Variants in ASAH2 observed in about 807,000 individuals in gnomAD.
The protein encoded by ASAH2 is neutral ceramidase.
Under a neutral mutation model 82.9 loss-of-function variants are expected in ASAH2, and 58 were observed. The ratio of observed to expected loss-of-function variants is 0.70; its 90% CI spans 0.57 to 0.87. The LOEUF (loss-of-function observed/expected upper bound fraction) is 0.87, where lower values mean the gene tolerates loss of function less well. ASAH2 is among the 40% of genes least tolerant of loss of function. The pLI, the probability that ASAH2 is intolerant of heterozygous loss-of-function variation, is 0.00. For synonymous variants in ASAH2, 276 were observed against 289.7 expected (o/e 0.95, Z 0.48); for missense variants, 779 against 834.0 (o/e 0.93, Z 0.81).
chr10:50,247,521 G>A (rs2842125), intron 2 of ASAH2, among the ~76,000 whole-genome samples: 44,317 of 151,512 alleles, frequency 0.29, 6,686 homozygotes, highest in Non-Finnish European at 0.31. Context: ...ACCCTGCTGT[G>A]CCTACTGCTG....
chr10:50,208,645 T>G (rs1230811878), intron 12 of ASAH2, among the ~76,000 whole-genome samples: 1 of 152,076 alleles, frequency 6.6e-6, no homozygotes, highest in African/African-American at 2.4e-5. Context: ...CAAAACATTG[T>G]TGAAAAAAAT....
At chr10:50,248,197 C>G (rs1174813356) in intron 2 of ASAH2, among the ~76,000 whole-genome samples, 1 of 152,204 alleles carries the variant, frequency 6.6e-6, no homozygotes, top group African/African-American at 2.4e-5. Context: ...GCTGCCATTA[C>G]TAGACCTTGA....
At chr10:50,215,141 A>C (rs1168009105) in intron 8 of ASAH2, among the ~76,000 whole-genome samples, 17 of 152,118 alleles carry the variant, frequency 1.1e-4, no homozygotes, top group Non-Finnish European at 1.6e-4. Flanking sequence ...AGTCTTTACC[A>C]ATCCCTATGT....
rs760334150 is a variant in ASAH2, at chr10:50,248,484, CT to C, written c.126del (p.Asp43IlefsTer2). 2.5e-6 allele frequency: 4 copies of C among 1,613,404 alleles called. No individual in the cohort carries two copies. Among genetic ancestry groups the C allele is most frequent in the Non-Finnish European group, 3.4e-6 (4 of 1,179,664 alleles). On this transcript the variant is annotated frameshift_variant and splice_region_variant, in exon 2 of 21. Transcript: ENST00000682911. LOFTEE classifies it high-confidence loss of function. ...ATCTAAGAGAGCCCATGACACTTGC[CT>C]TTGTGGTTTTCAATGGTCCCACTGG... ...FITSGTIENHKDLGGHFFSTT... is the reference protein window; with the variant it reads ...FITSGTIENHXDLGGHFFSTT...
chr10:50,218,705 T>C lies in ASAH2; in HGVS notation c.894-75A>G. On this transcript the variant is annotated intron_variant, in intron 7 of 20. Coordinates refer to ENST00000682911, the MANE Select transcript of ASAH2 (RefSeq NM_019893.4). ...GGGCCAAGAACTATGACTGGGAGCT[T>C]AAGTTTTCTCCAGCAGGAAAAAATA... The C allele has an allele frequency of 1.9e-6, 3 of 1,561,228 alleles. No individual in the cohort carries two copies. In the South Asian group the frequency reaches 3.3e-5, roughly 17 times the overall value.
At chr10:50,231,399 C>T (rs1846019100) in intron 7 of ASAH2, among the ~76,000 whole-genome samples, 2 of 152,192 alleles carry the variant, frequency 1.3e-5, no homozygotes, top group East Asian at 1.9e-4. Context: ...TCTTGGAAGC[C>T]TTCCACAGTG....
intron 12 of ASAH2, among the ~76,000 whole-genome samples, chr10:50,206,326 A>G (rs1845296085): frequency 6.6e-6 from 1 of 151,942 alleles, no homozygotes; most frequent in Non-Finnish European, 1.5e-5. Flanking sequence ...AGAGAACGAC[A>G]GAGTATATTT....
At chr10:50,250,807 A>G (rs1354876342) in intron 1 of ASAH2, among the ~76,000 whole-genome samples, 1 of 152,184 alleles carries the variant, frequency 6.6e-6, no homozygotes, top group Non-Finnish European at 1.5e-5. Context: ...AGCTGATGAT[A>G]TTTTATGCCA....
chr10:50,245,367 T>C lies in ASAH2; in HGVS notation c.215A>G (p.His72Arg). The C allele has an allele frequency of 6.2e-7, 1 of 1,613,658 alleles. No homozygotes were observed. The highest frequency in any genetic ancestry group is 1.7e-4 in the Middle Eastern group (1 of 6,060). The part of the protein sequence containing the change: ...TAAQRSTATQ[H>R]STATQSSTAT... ...TGTGGAGCTCTGGGTGGCTGTGGAA[T>C]GCTGGGTGGCTGTGGAGCGTTGGGC... The change falls in exon 3 of 21, where the codon CAT becomes CGT. Residue 72 changes from histidine (H) to arginine (R), a missense_variant. Coordinates refer to ENST00000682911, the MANE Select transcript of ASAH2 (RefSeq NM_019893.4).
At chr10:50,206,140 C>T in intron 12 of ASAH2, 43 bp from the exon 13 acceptor site, 1 of 1,390,348 alleles carries the variant, frequency 7.2e-7, no homozygotes, top group Non-Finnish European at 1.0e-6. Context: ...TGAACCAACC[C>T]TCTCAAAAAA....
chr10:50,187,116 T>TCACACACACACACA lies in ASAH2; in HGVS notation c.*198_*199insTGTGTGTGTGTGTG, dbSNP rs1259270165. 4.4e-6 allele frequency: 1 copy of TCACACACACACACA among 225,210 alleles called. No individual in the cohort carries two copies. The highest frequency in any genetic ancestry group is 8.2e-6 in the Non-Finnish European group (1 of 121,998). The allele number at this position is 225,210 out of a possible 1,614,324, so 14.0% of individuals were successfully genotyped here. On this transcript the variant is annotated 3_prime_UTR_variant, in exon 21 of 21. Coordinates refer to ENST00000682911, the MANE Select transcript of ASAH2 (RefSeq NM_019893.4). ...CTCTCTCTCTCTCTCTCTCTCTCTCTCTCACACACACACACACACACACAC... is the reference window on the plus strand; with the variant it reads ...CTCTCTCTCTCTCTCTCTCTCTCTCTCACACACACACACACTCACACACACACACACACACACAC...
chr10:50,202,949 T>C, intron 15 of ASAH2, 25 bp from the exon 16 acceptor site: 1 of 1,389,370 alleles, frequency 7.2e-7, no homozygotes, highest in South Asian at 1.2e-5. Flanking sequence ...TAAAACCCAA[T>C]AAAATTACTC....
Position 50,199,049 on chromosome 10 carries a change from ACCG to A in ASAH2, c.1856_1857+1del. 1 of 1,613,158 alleles carries A rather than the reference ACCG, an allele frequency of 6.2e-7. No homozygotes were observed. The highest frequency in any genetic ancestry group is 8.5e-7 in the Non-Finnish European group (1 of 1,179,382). On this transcript the variant is annotated splice_donor_variant and coding_sequence_variant, in exon 17 of 21. Coordinates refer to ENST00000682911, the MANE Select transcript of ASAH2 (RefSeq NM_019893.4). LOFTEE classifies it high-confidence loss of function. ...ATGCACGCACAAACAATATTTGATT[ACCG>A]TAGCAATAGCCTTAGCAAGGTTTCT...
chr10:50,222,948 A>C (rs1845784794), intron 7 of ASAH2, among the ~76,000 whole-genome samples: 1 of 152,228 alleles, frequency 6.6e-6, no homozygotes. Context: ...AAAAGGATGA[A>C]TACATCTCTA....
At chr10:50,236,119 T>C (rs1375548820) in intron 4 of ASAH2, 55 bp from the exon 5 acceptor site, 11 of 1,515,086 alleles carry the variant, frequency 7.3e-6, no homozygotes, top group Middle Eastern at 1.7e-4. Context: ...GAGCTCAACA[T>C]GAGAAAAGGC....
chr10:50,221,674 TGATA>T lies in ASAH2; in HGVS notation c.894-3048_894-3045del, dbSNP rs1356958582. On this transcript the variant is annotated intron_variant, in intron 7 of 20. Coordinates refer to ENST00000682911, the MANE Select transcript of ASAH2 (RefSeq NM_019893.4). ...GTGTGTGTGTGTATAGATAGATAGATGATAGATAGATAGATAGATGGATGGATAG... is the reference window on the plus strand; with the variant it reads ...GTGTGTGTGTGTATAGATAGATAGATGATAGATAGATAGATGGATGGATAG... Among the ~76,000 whole-genome samples, 1,351 of 140,618 alleles carry T rather than the reference TGATA, an allele frequency of 9.6e-3. 24 individuals are homozygous for T. Among genetic ancestry groups the T allele is most frequent in the East Asian group, 0.063 (299 of 4,734 alleles). 92.3% of individuals were successfully genotyped at this position (140,618 alleles called of 152,430 possible). A position where few individuals can be genotyped will look rare whatever the true frequency, so the allele number is the denominator to read the frequency against.
chr10:50,244,703 A>T (rs1175880318), intron 3 of ASAH2, among the ~76,000 whole-genome samples: 1 of 152,140 alleles, frequency 6.6e-6, no homozygotes, highest in African/African-American at 2.4e-5. Context: ...TTTATTTTTT[A>T]AGTAAGAGAT....
At chr10:50,232,448 G>C (rs1321982415) in intron 7 of ASAH2, among the ~76,000 whole-genome samples, 1 of 152,036 alleles carries the variant, frequency 6.6e-6, no homozygotes, top group African/African-American at 2.4e-5. Flanking sequence ...GCACTATCTG[G>C]TACTTCCCTA....
chr10:50,249,939 G>A (rs1240112223), intron 1 of ASAH2, among the ~76,000 whole-genome samples: 1 of 152,046 alleles, frequency 6.6e-6, no homozygotes, highest in Admixed American at 6.6e-5. Context: ...ACCCCCAAGA[G>A]TTAATAAATG....
Sources: allele counts gnomAD v4.1 joint callset (sites outside exome capture counted in the v4.1 genomes callset), GRCh38; gene constraint gnomAD v4.1.1; transcripts MANE v1.5; gene names NCBI Gene and HGNC (gene_info 2026-07-23, HGNC 2026-07-21).